The following MMP14 variants were observed in gnomAD, a reference collection of about 807,000 sequenced individuals.
MMP14 encodes the protein matrix metalloproteinase-14.
Under a neutral mutation model 64.8 loss-of-function variants are expected in MMP14, and 13 were observed. That is an observed-to-expected ratio of 0.20 (90% CI 0.13 to 0.32). The LOEUF (loss-of-function observed/expected upper bound fraction) is 0.32. Ranked by LOEUF, MMP14 falls within the 10% of genes least tolerant of loss-of-function variation. MMP14 has a pLI of 1.00. For synonymous variants in MMP14, 322 were observed against 315.9 expected, an observed-to-expected ratio of 1.02 and a Z score of -0.20; for missense variants, 594 against 783.8, an observed-to-expected ratio of 0.76 and a Z score of 2.89.
At chr14:22,837,512 C>T in intron 1 of MMP14, 1 of 391,528 alleles carries the variant, frequency 2.6e-6, no homozygotes. Flanking sequence ...CGCTGTGTCC[C>T]TACCCGCATC....
rs17882100 is a variant in MMP14 at position 22,838,586 on chromosome 14, A to T, written c.108+1661A>T. ...TGCATCTCTCTCATTCGCAAAGACAAAGCCAGCCGACTGGGTTCTTTGACC... is the reference window on the plus strand; with the variant it reads ...TGCATCTCTCTCATTCGCAAAGACATAGCCAGCCGACTGGGTTCTTTGACC... On this transcript the variant is annotated intron_variant, in intron 1 of 9. Coordinates refer to ENST00000311852, the MANE Select transcript of MMP14 (RefSeq NM_004995.4). 9.7e-3 allele frequency among the ~76,000 whole-genome samples: 1,475 copies of T among 152,282 alleles called. 29 individuals carry two copies. The highest frequency in any genetic ancestry group is 0.034 in the African/African-American group (1,397 of 41,560).
intron 1 of MMP14, among the ~76,000 whole-genome samples, chr14:22,840,358 T>C (rs1183320317): frequency 6.6e-6 from 1 of 152,242 alleles, no homozygotes; most frequent in Non-Finnish European, 1.5e-5. Context: ...GCAGTGTGTG[T>C]ACCTTTTAAT....
chr14:22,837,396 C>T (rs1423106828), intron 1 of MMP14: 2 of 456,064 alleles, frequency 4.4e-6, no homozygotes, highest in Admixed American at 2.3e-5. Context: ...GCTTCGGCCT[C>T]CCCGGGTGGC....
rs186398614 is a variant in MMP14 at position 22,843,477 on chromosome 14, C to T, written c.850+59C>T. The T allele has an allele frequency of 3.0e-4, 464 of 1,567,008 alleles. 1 individual carries two copies. The highest frequency in any genetic ancestry group is 6.3e-4 in the South Asian group (54 of 85,734). ...CTGCTGCTTGTTCCCTCCTGGTCTA[C>T]GCATTTCCCCTCTTTTATGCCTTGC... On this transcript the variant is annotated intron_variant, in intron 5 of 9. Transcript: ENST00000311852. The surrounding 1 kb of genome is among the most constrained non-coding windows in gnomAD (Gnocchi z 4.8).
chr14:22,843,246 C>T lies in MMP14; in HGVS notation c.689-11C>T. The T allele has an allele frequency of 6.2e-7, 1 of 1,611,786 alleles. No individual in the cohort carries two copies. The highest frequency in any genetic ancestry group is 8.5e-7 in the Non-Finnish European group (1 of 1,178,478). On this transcript the variant is annotated splice_polypyrimidine_tract_variant and intron_variant, in intron 4 of 9. Transcript: ENST00000311852. The surrounding 1 kb of genome is among the most constrained non-coding windows in gnomAD (Gnocchi z 4.8). ...CTCAGGCTGCTATCGTCACTGTCCC[C>T]ATCCTTCCAGGAAATGACATCTTCC...
chr14:22,841,526 G>A lies in MMP14; in HGVS notation c.144G>A (p.Gly48=), dbSNP rs754509156. The part of the protein sequence containing the change: ...WLQQYGYLPP[G]DLRTHTQRSP... ...AGCAATATGGCTACCTGCCTCCCGGGGACCTACGTACCCACACACAGCGCT... is the reference window on the plus strand; with the variant it reads ...AGCAATATGGCTACCTGCCTCCCGGAGACCTACGTACCCACACACAGCGCT... The change falls in exon 2 of 10, where the codon GGG becomes GGA. Residue 48 remains glycine, a synonymous_variant. Coordinates refer to ENST00000311852, the MANE Select transcript of MMP14 (RefSeq NM_004995.4). 1.9e-6 allele frequency: 3 copies of A among 1,613,934 alleles called. No homozygotes were observed. The highest frequency in any genetic ancestry group is 1.1e-5 in the South Asian group (1 of 91,080).
At position 22,846,068 on chromosome 14, in the gene MMP14, CA is replaced by C; in HGVS notation, c.*30del. On this transcript the variant is annotated 3_prime_UTR_variant, in exon 10 of 10. Transcript: ENST00000311852. ...CCACCGCCGGCCCGCCCACTCCTACCACAAGGACTTTGCCTCTGAAGGCCAG... is the reference window on the plus strand; with the variant it reads ...CCACCGCCGGCCCGCCCACTCCTACCCAAGGACTTTGCCTCTGAAGGCCAG... 6.9e-7 allele frequency: 1 copy of C among 1,450,804 alleles called. No individual in the cohort carries two copies. The highest frequency in any genetic ancestry group is 2.5e-5 in the East Asian group (1 of 40,056). The allele number at this position is 1,450,804 out of a possible 1,614,324, so 89.9% of individuals were successfully genotyped here. A position where few individuals can be genotyped will look rare whatever the true frequency, so the allele number is the denominator to read the frequency against.
chr14:22,845,952 G>C lies in MMP14; in HGVS notation c.1662G>C (p.Ala554=), dbSNP rs753392905. 6 of 1,588,826 alleles carry C rather than the reference G, an allele frequency of 3.8e-6. No homozygotes were observed. The highest frequency in any genetic ancestry group is 5.1e-6 in the Non-Finnish European group (6 of 1,166,958). The change falls in exon 10 of 10, where the codon GCG becomes GCC. Residue 554 remains alanine (A), a synonymous_variant. Transcript: ENST00000311852. ...LPVLLLLLVL[A]VGLAVFFFRR... ...TGCTGCTGCTGCTCCTGGTGCTGGC[G>C]GTGGGCCTTGCAGTCTTCTTCTTCA...
Position 22,843,616 on chromosome 14 carries a change from C to T in MMP14, c.851-94C>T. 6.8e-7 allele frequency: 1 copy of T among 1,463,714 alleles called. No individual in the cohort carries two copies. Among genetic ancestry groups the T allele is most frequent in the South Asian group, 1.3e-5 (1 of 75,786 alleles). 90.7% of individuals were successfully genotyped at this position (1,463,714 alleles called of 1,614,324 possible). A position where few individuals can be genotyped will look rare whatever the true frequency, so the allele number is the denominator to read the frequency against. On this transcript the variant is annotated intron_variant, in intron 5 of 9. Transcript: ENST00000311852. The surrounding 1 kb of genome is among the most constrained non-coding windows in gnomAD (Gnocchi z 4.8). ...CTTCAGCCTCCCCTAGAAGCCCATCCACACCTTTCCAAGGGTATTGTCTGC... is the reference window on the plus strand; with the variant it reads ...CTTCAGCCTCCCCTAGAAGCCCATCTACACCTTTCCAAGGGTATTGTCTGC...
rs571236166 is a variant in MMP14, at chr14:22,839,884, G to A, written c.109-1607G>A. ...GAAAGCAAAGCTGGAGCAGGGACTA[G>A]AGCTATCTGGGTGGTGTCTTCTCCC... On this transcript the variant is annotated intron_variant, in intron 1 of 9. Coordinates refer to ENST00000311852, the MANE Select transcript of MMP14 (RefSeq NM_004995.4). 1.8e-4 allele frequency among the ~76,000 whole-genome samples: 28 copies of A among 151,612 alleles called. 1 individual carries two copies. In the South Asian group the frequency reaches 5.2e-3, roughly 28 times the overall value.
chr14:22,844,510 G>GT lies in MMP14; in HGVS notation c.1150+2dup, dbSNP rs1214723132. The GT allele has an allele frequency of 1.9e-6, 3 of 1,614,012 alleles. No individual in the cohort carries two copies. Among genetic ancestry groups the GT allele is most frequent in the Non-Finnish European group, 2.5e-6 (3 of 1,180,018 alleles). On this transcript the variant is annotated splice_donor_variant, in intron 7 of 9. Coordinates refer to ENST00000311852, the MANE Select transcript of MMP14 (RefSeq NM_004995.4). LOFTEE classifies it high-confidence loss of function. ...GATGGCAAATTCGTCTTCTTCAAAGGTAACCAGGCACTCCACTTTAGTCTT... is the reference window on the plus strand; with the variant it reads ...GATGGCAAATTCGTCTTCTTCAAAGGTTAACCAGGCACTCCACTTTAGTCTT...
rs553693301 is a variant in MMP14 at position 22,837,097 on chromosome 14, C to G, written c.108+172C>G. ...CCTCTTCGTCTCCAAACTTCCAGAT[C>G]GATCCAACTTTTGCCCGCTTCCAAC... On this transcript the variant is annotated intron_variant, in intron 1 of 9. Transcript: ENST00000311852. 37 of 701,256 alleles carry G rather than the reference C, an allele frequency of 5.3e-5. 1 individual carries two copies. The South Asian group carries it at 5.5e-4, about 10-fold the overall frequency. 43.4% of individuals were successfully genotyped at this position (701,256 alleles called of 1,614,324 possible). A position where few individuals can be genotyped will look rare whatever the true frequency, so the allele number is the denominator to read the frequency against.
In MMP14 at chr14:22,839,962, C is replaced by CTTTTTTTTTTTTTT. The variant is rs577502772; in HGVS notation, c.109-1518_109-1505dup. Among the ~76,000 whole-genome samples, 5 of 90,800 alleles carry CTTTTTTTTTTTTTT rather than the reference C, an allele frequency of 5.5e-5. 1 individual carries two copies. Among genetic ancestry groups the CTTTTTTTTTTTTTT allele is most frequent in the African/African-American group, 2.6e-4 (5 of 19,520 alleles). The allele number at this position is 90,800 out of a possible 152,430, so 59.6% of individuals were successfully genotyped here. ...TTCATATATAACTTGGCTTGTTTTA[C>CTTTTTTTTTTTTTT]TTTTTTTTTTTTTTTTTTTTTTTTG... On this transcript the variant is annotated intron_variant, in intron 1 of 9. Transcript: ENST00000311852.
Position 22,843,950 on chromosome 14 carries a change from CTT to C in MMP14, c.1011+82_1011+83del. On this transcript the variant is annotated intron_variant, in intron 6 of 9. Coordinates refer to ENST00000311852, the MANE Select transcript of MMP14 (RefSeq NM_004995.4). This position sits in a 1 kb window ranked among gnomAD's most constrained non-coding sequence, Gnocchi z 4.8. Reference sequence around the variant, plus strand: ...GTGGCTCATGCCTGTAATCCTAGCACTTTGAGAGGCCAAGGCAGGTGGATCAC... The same window carrying C: ...GTGGCTCATGCCTGTAATCCTAGCACTGAGAGGCCAAGGCAGGTGGATCAC... 1 of 1,547,552 alleles carries C rather than the reference CTT, an allele frequency of 6.5e-7. No homozygotes were observed. Among genetic ancestry groups the C allele is most frequent in the South Asian group, 1.2e-5 (1 of 83,534 alleles).
chr14:22,845,605 G>A, intron 9 of MMP14, 103 bp from the exon 10 acceptor site: 1 of 1,229,464 alleles, frequency 8.1e-7, no homozygotes, highest in Non-Finnish European at 1.2e-6. Flanking sequence ...CGAAGGTGGA[G>A]GGAAGCTCAG....
chr14:22,842,551 G>A lies in MMP14; in HGVS notation c.522G>A (p.Gln174=). 1.2e-6 allele frequency: 2 copies of A among 1,614,184 alleles called. No homozygotes were observed. Among genetic ancestry groups the A allele is most frequent in the East Asian group, 4.5e-5 (2 of 44,880 alleles). Residue 174 remains glutamine, a synonymous_variant, in exon 4 of 10, where the codon CAG becomes CAA. Coordinates refer to ENST00000311852, the MANE Select transcript of MMP14 (RefSeq NM_004995.4). This position sits in a 1 kb window ranked among gnomAD's most constrained non-coding sequence, Gnocchi z 5.3. ...ACATCCGTGAGGGCCATGAGAAGCA[G>A]GCCGACATCATGATCTTCTTTGCCG... ...YAYIREGHEK[Q]ADIMIFFAEG...
In MMP14 at chr14:22,841,655, T is replaced by C; in HGVS notation, c.257+16T>C. On this transcript the variant is annotated intron_variant, in intron 2 of 9. Transcript: ENST00000311852. ...ACACCATGAAGTAAGTGCTAGACCC[T>C]GGCAGGAGTTCTGCCTAGCATCCAC... 2 of 1,613,526 alleles carry C rather than the reference T, an allele frequency of 1.2e-6. No homozygotes were observed. The highest frequency in any genetic ancestry group is 1.3e-5 in the African/African-American group (1 of 75,036).
intron 1 of MMP14, among the ~76,000 whole-genome samples, chr14:22,839,706 A>G (rs2039759621): frequency 6.6e-6 from 1 of 151,986 alleles, no homozygotes; most frequent in Non-Finnish European, 1.5e-5. Flanking sequence ...CTACTGCCCC[A>G]TCACCAGGAC....
At position 22,846,223 on chromosome 14, in the gene MMP14, T is replaced by C. The variant is rs1329569056; in HGVS notation, c.*184T>C. 2.3e-5 allele frequency: 14 copies of C among 612,880 alleles called. No homozygotes were observed. The Middle Eastern group carries it at 2.1e-3, about 93-fold the overall frequency. The allele number at this position is 612,880 out of a possible 1,614,324, so 38.0% of individuals were successfully genotyped here. A position where few individuals can be genotyped will look rare whatever the true frequency, so the allele number is the denominator to read the frequency against. ...CGCCTCCCTCCCTCCTGCCCCGGCA[T>C]TGCATCTTCCCTAGATAGGTCCCCT... is the stretch of plus-strand genomic sequence containing the variant. On this transcript the variant is annotated 3_prime_UTR_variant, in exon 10 of 10. Coordinates refer to ENST00000311852, the MANE Select transcript of MMP14 (RefSeq NM_004995.4).
Sources: gnomAD v4.1 joint callset for allele counts (sites outside exome capture counted in the v4.1 genomes callset) on GRCh38, gnomAD v4.1.1 for gene constraint, Gnocchi (gnomAD v3.1) non-coding constraint, MANE v1.5 for transcripts, NCBI Gene and HGNC (gene_info 2026-07-23, HGNC 2026-07-21) for gene names.